Variants in NTSR1 observed in about 807,000 individuals in gnomAD.
The protein encoded by NTSR1 is neurotensin receptor 1, also known as neurotensin receptor type 1.
NTSR1 carries 29 observed loss-of-function variants against 31.2 expected under a neutral mutation model. That is an observed-to-expected ratio of 0.93 (90% CI 0.69 to 1.27). The LOEUF is 1.27. Ranked by LOEUF, NTSR1 falls within the 50% of genes most tolerant of loss-of-function variation. NTSR1 has a pLI of 0.00. For synonymous variants in NTSR1, 282 were observed against 269.9 expected, an observed-to-expected ratio of 1.04 and a Z score of -0.44; for missense variants, 697 against 595.4, an observed-to-expected ratio of 1.17 and a Z score of -1.78.
intron 1 of NTSR1, among the ~76,000 whole-genome samples, chr20:62,716,419 G>T (rs535429833): frequency 6.6e-6 from 1 of 151,056 alleles, no homozygotes; most frequent in Non-Finnish European, 1.5e-5. Flanking sequence ...TCGGAGGAGG[G>T]GTGGGGTGGC....
Position 62,758,450 on chromosome 20 carries a change from C to A in NTSR1, c.1007+94C>A. On this transcript the variant is annotated intron_variant, in intron 3 of 3. Coordinates refer to ENST00000370501, the MANE Select transcript of NTSR1 (RefSeq NM_002531.3). This position sits in a 1 kb window ranked among gnomAD's most constrained non-coding sequence, Gnocchi z 4.5. ...GCAGGCACTGCTGAGGGGATCCACT[C>A]AGGGCAGGGGTGTGGTGAGTCCCCC... is the stretch of plus-strand genomic sequence containing the variant. 1 of 1,176,806 alleles carries A rather than the reference C, an allele frequency of 8.5e-7. No homozygotes were observed. The highest frequency in any genetic ancestry group is 1.2e-6 in the Non-Finnish European group (1 of 805,240). The allele number at this position is 1,176,806 out of a possible 1,614,324, so 72.9% of individuals were successfully genotyped here.
At chr20:62,712,131 C>T (rs991098282) in intron 1 of NTSR1, among the ~76,000 whole-genome samples, 8 of 152,318 alleles carry the variant, frequency 5.3e-5, no homozygotes, top group Middle Eastern at 3.4e-3. Context: ...GAACATTCCT[C>T]GTAGGAGAGG....
At chr20:62,713,509 T>C (rs1232091503) in intron 1 of NTSR1, among the ~76,000 whole-genome samples, 4 of 152,158 alleles carry the variant, frequency 2.6e-5, no homozygotes, top group African/African-American at 9.7e-5. Context: ...AATCTGGCCA[T>C]GGATTATTTC....
At chr20:62,726,913 G>C (rs1897502475) in intron 1 of NTSR1, among the ~76,000 whole-genome samples, 1 of 152,144 alleles carries the variant, frequency 6.6e-6, no homozygotes, top group African/African-American at 2.4e-5. Context: ...ACACTGGGAT[G>C]GTTTTGAGAA....
intron 3 of NTSR1, among the ~76,000 whole-genome samples, chr20:62,759,655 G>A (rs1016315429): frequency 6.6e-6 from 1 of 152,046 alleles, no homozygotes; most frequent in Non-Finnish European, 1.5e-5. Context: ...GGTCCCTGTA[G>A]TCCCAGCTAC....
intron 2 of NTSR1, among the ~76,000 whole-genome samples, chr20:62,756,906 T>C (rs1051518978): frequency 2.6e-5 from 4 of 152,272 alleles, no homozygotes; most frequent in African/African-American, 9.6e-5. Context: ...TGGAGAAATG[T>C]CTGAGTCCTT....
chr20:62,754,312 A>T (rs1989441735), intron 1 of NTSR1, among the ~76,000 whole-genome samples: 1 of 152,214 alleles, frequency 6.6e-6, no homozygotes, highest in Non-Finnish European at 1.5e-5. Flanking sequence ...GGCCTCAGCC[A>T]TGCACACAAC....
chr20:62,722,730 A>G (rs1001612404), intron 1 of NTSR1, among the ~76,000 whole-genome samples: 2 of 152,212 alleles, frequency 1.3e-5, no homozygotes, highest in African/African-American at 4.8e-5. Flanking sequence ...GCCCTTAGGG[A>G]CCACAGTCCT....
intron 1 of NTSR1, among the ~76,000 whole-genome samples, chr20:62,712,685 G>A (rs1028146047): frequency 1.2e-4 from 18 of 152,304 alleles, no homozygotes; most frequent in African/African-American, 3.4e-4. Flanking sequence ...GGGGGCTCAG[G>A]GACCTACGGG....
chr20:62,755,051 G>A (rs1425139280), intron 2 of NTSR1, among the ~76,000 whole-genome samples, 165 bp downstream of exon 2: 1 of 151,628 alleles, frequency 6.6e-6, no homozygotes, highest in East Asian at 1.9e-4. Flanking sequence ...GTGCCATTCT[G>A]CACTCCATCC....
chr20:62,717,259 G>A (rs1324304090), intron 1 of NTSR1, among the ~76,000 whole-genome samples: 4 of 152,340 alleles, frequency 2.6e-5, no homozygotes, highest in South Asian at 2.1e-4. Flanking sequence ...GAAGCCACCC[G>A]TGCCTACTTT....
In NTSR1 at chr20:62,709,519, C is replaced by G. The variant is rs1366245337; in HGVS notation, c.312C>G (p.His104Gln). The change falls in exon 1 of 4, where the codon CAC (histidine) becomes CAG (glutamine). Residue 104 changes from histidine (H) to glutamine (Q), a missense_variant. Physicochemically the swap from His to Gln is conservative, Grantham distance 24 (BLOSUM62 0). Transcript: ENST00000370501. ...GCCTGCAGAGCACGGTGCATTACCACCTGGGCAGCCTGGCGCTGTCCGACC... is the reference window on the plus strand; with the variant it reads ...GCCTGCAGAGCACGGTGCATTACCAGCTGGGCAGCCTGGCGCTGTCCGACC... ...LQSLQSTVHYHLGSLALSDLL... is the reference protein window; with the variant it reads ...LQSLQSTVHYQLGSLALSDLL... The G allele has an allele frequency of 6.2e-7, 1 of 1,612,438 alleles. No individual in the cohort carries two copies. Among genetic ancestry groups the G allele is most frequent in the Non-Finnish European group, 8.5e-7 (1 of 1,179,854 alleles).
intron 1 of NTSR1, among the ~76,000 whole-genome samples, chr20:62,747,577 G>A (rs1184622832): frequency 1.3e-5 from 2 of 152,224 alleles, no homozygotes; most frequent in Non-Finnish European, 2.9e-5. Flanking sequence ...GAAGTAGAAA[G>A]CTTTTTCTCT....
chr20:62,712,580 G>A (rs897725104), intron 1 of NTSR1, among the ~76,000 whole-genome samples: 1 of 152,234 alleles, frequency 6.6e-6, no homozygotes, highest in Non-Finnish European at 1.5e-5. Flanking sequence ...AGTGGGCAGG[G>A]CTCTCAGGTC....
chr20:62,734,806 A>T (rs1320651343), intron 1 of NTSR1, among the ~76,000 whole-genome samples: 2 of 152,272 alleles, frequency 1.3e-5, no homozygotes, highest in African/African-American at 4.8e-5. Flanking sequence ...GAATACATTA[A>T]GTTAAATAAG....
intron 1 of NTSR1, among the ~76,000 whole-genome samples, chr20:62,736,606 A>G (rs1291961540): frequency 6.6e-6 from 1 of 152,020 alleles, no homozygotes; most frequent in African/African-American, 2.4e-5. Context: ...GACTCCGAGG[A>G]CTCCGAGGCC....
chr20:62,724,026 G>A (rs184030211), intron 1 of NTSR1, among the ~76,000 whole-genome samples: 9 of 152,336 alleles, frequency 5.9e-5, no homozygotes, highest in Admixed American at 2.6e-4. Context: ...GCTTCAACCA[G>A]CTTGTAGGAG....
intron 1 of NTSR1, among the ~76,000 whole-genome samples, chr20:62,748,627 G>T (rs1457544441): frequency 4.6e-5 from 7 of 152,160 alleles, no homozygotes; most frequent in African/African-American, 1.7e-4. Flanking sequence ...CTTTCGTACA[G>T]TCAAATCATC....
Position 62,732,690 on chromosome 20 carries a change from G to T in NTSR1, c.715-21995G>T, listed in dbSNP as rs745822441. On this transcript the variant is annotated intron_variant, in intron 1 of 3. Coordinates refer to ENST00000370501, the MANE Select transcript of NTSR1 (RefSeq NM_002531.3). The surrounding 1 kb of genome is among the most constrained non-coding windows in gnomAD (Gnocchi z 4.0). ...CGTTTTCCTTTCTTGTAACATCCTC[G>T]GTTTTGTTATTGGGGTAATGCCGGC... The T allele has an allele frequency of 1.3e-5, 2 of 152,158 alleles. No individual in the cohort carries two copies. Among genetic ancestry groups the T allele is most frequent in the Non-Finnish European group, 2.9e-5 (2 of 68,046 alleles). 9.4% of individuals were successfully genotyped at this position (152,158 alleles called of 1,614,324 possible). A position where few individuals can be genotyped will look rare whatever the true frequency, so the allele number is the denominator to read the frequency against.
Sources: gnomAD v4.1 joint callset for allele counts (sites outside exome capture counted in the v4.1 genomes callset) on GRCh38, gnomAD v4.1.1 for gene constraint, Gnocchi (gnomAD v3.1) non-coding constraint, MANE v1.5 for transcripts, NCBI Gene and HGNC (gene_info 2026-07-23, HGNC 2026-07-21) for gene names.